Variants in GPM6A observed in about 807,000 individuals in gnomAD.
GPM6A encodes glycoprotein M6A, also known as neuronal membrane glycoprotein M6-a.
GPM6A carries 7 observed loss-of-function variants against 32.1 expected under a neutral mutation model. The ratio of observed to expected loss-of-function variants is 0.22; its 90% CI spans 0.12 to 0.41. GPM6A has a LOEUF of 0.41. GPM6A is among the 10% of genes least tolerant of loss of function. GPM6A has a pLI of 1.00. For synonymous variants in GPM6A, 130 were observed against 123.4 expected (o/e 1.05, Z -0.35); for missense variants, 235 against 347.2 (o/e 0.68, Z 2.57).
chr4:175,645,530 G>T (rs1741407636), intron 4 of GPM6A, among the ~76,000 whole-genome samples: 1 of 151,936 alleles, frequency 6.6e-6, no homozygotes, highest in Admixed American at 6.6e-5. Context: ...AGACCAGCCT[G>T]GCCAACATGG....
chr4:175,662,109 A>T (rs1378361540), intron 3 of GPM6A, among the ~76,000 whole-genome samples: 2 of 152,158 alleles, frequency 1.3e-5, no homozygotes, highest in Non-Finnish European at 2.9e-5. Flanking sequence ...GGCATATTTA[A>T]TATTATTATG....
rs186434136 is a variant in GPM6A at position 175,907,887 on chromosome 4, C to T, written c.-23+94422G>A. Among the ~76,000 whole-genome samples, 640 of 152,198 alleles carry T rather than the reference C, an allele frequency of 4.2e-3. 6 individuals are homozygous for T. Among genetic ancestry groups the T allele is most frequent in the African/African-American group, 0.015 (605 of 41,542 alleles). On this transcript the variant is annotated intron_variant, in intron 1 of 7. Transcript: ENST00000280187. Reference sequence around the variant, plus strand: ...ACATAAAAGGTGTATTAAATAAGTTCGTATGCTTTTTCCTCCTTATTCTGT... The same window carrying T: ...ACATAAAAGGTGTATTAAATAAGTTTGTATGCTTTTTCCTCCTTATTCTGT...
chr4:175,897,108 A>G (rs968773081), intron 1 of GPM6A, among the ~76,000 whole-genome samples: 15 of 152,178 alleles, frequency 9.9e-5, no homozygotes, highest in Admixed American at 7.2e-4. Flanking sequence ...AGAAGAGCCA[A>G]GAAGCCACAT....
intron 1 of GPM6A, among the ~76,000 whole-genome samples, chr4:175,819,936 T>G (rs1735222627): frequency 6.6e-6 from 1 of 152,164 alleles, no homozygotes; most frequent in Non-Finnish European, 1.5e-5. Flanking sequence ...CGATTGAAGT[T>G]AAAAATATTA....
intron 1 of GPM6A, among the ~76,000 whole-genome samples, chr4:175,878,300 C>T (rs1737151690): frequency 6.6e-6 from 1 of 152,302 alleles, no homozygotes; most frequent in South Asian, 2.1e-4. Context: ...CCAGTGGAGA[C>T]TCCATGTCGG....
chr4:175,713,538 C>T lies in GPM6A; in HGVS notation c.38-11771G>A, dbSNP rs553965601. On this transcript the variant is annotated intron_variant, in intron 1 of 6. Coordinates refer to ENST00000393658, the MANE Select transcript of GPM6A (RefSeq NM_201591.3). ...CTTTTAGAATATAGCTCAAATAATC[C>T]TTAAATATTGTTAAATTTTTATTAA... Among the ~76,000 whole-genome samples, 10 of 152,226 alleles carry T rather than the reference C, an allele frequency of 6.6e-5. No individual in the cohort carries two copies. The South Asian group carries it at 2.1e-3, about 32-fold the overall frequency.
chr4:175,680,351 G>A (rs972254011), intron 2 of GPM6A, among the ~76,000 whole-genome samples: 3 of 151,898 alleles, frequency 2.0e-5, no homozygotes, highest in African/African-American at 7.3e-5. Flanking sequence ...TTTATTCTTT[G>A]GTTTAATTCC....
At chr4:175,776,361 G>C (rs934174226) in intron 1 of GPM6A, among the ~76,000 whole-genome samples, 11 of 152,118 alleles carry the variant, frequency 7.2e-5, no homozygotes, top group African/African-American at 2.7e-4. Context: ...TTGCCACTTG[G>C]CTTCCAAACA....
intron 1 of GPM6A, among the ~76,000 whole-genome samples, chr4:175,868,962 G>C (rs990921948): frequency 6.6e-6 from 1 of 151,954 alleles, no homozygotes; most frequent in East Asian, 1.9e-4. Flanking sequence ...GACTTGAGTT[G>C]GTCTACACTA....
intron 1 of GPM6A, among the ~76,000 whole-genome samples, chr4:175,916,947 T>A (rs1448812684): frequency 6.6e-6 from 1 of 152,226 alleles, no homozygotes; most frequent in Non-Finnish European, 1.5e-5. Flanking sequence ...AACATCTTTT[T>A]ATACCCCCAA....
upstream of GPM6A, among the ~76,000 whole-genome samples, chr4:175,814,027 C>T (rs2111336736): frequency 6.6e-6 from 1 of 152,282 alleles, no homozygotes; most frequent in Middle Eastern, 3.4e-3. Flanking sequence ...ATTGTAGCAG[C>T]CTCTCTGCTT....
intron 1 of GPM6A, among the ~76,000 whole-genome samples, chr4:175,786,037 TC>T (rs1733785238): frequency 6.6e-6 from 1 of 152,122 alleles, no homozygotes; most frequent in Admixed American, 6.6e-5. Context: ...ACCTATAGTT[TC>T]CAAGCTGTGA....
chr4:175,823,296 T>G (rs1158191055), intron 1 of GPM6A, among the ~76,000 whole-genome samples: 1 of 152,246 alleles, frequency 6.6e-6, no homozygotes, highest in Non-Finnish European at 1.5e-5. Context: ...AGTGCTATAT[T>G]AACAACAATG....
At chr4:175,859,872 T>G (rs924033867) in intron 1 of GPM6A, among the ~76,000 whole-genome samples, 1 of 152,082 alleles carries the variant, frequency 6.6e-6, no homozygotes, top group East Asian at 1.9e-4. Context: ...AGGGCTCTAA[T>G]GTAAAAAGTA....
intron 1 of GPM6A, among the ~76,000 whole-genome samples, chr4:175,878,738 G>T (rs1737171226): frequency 6.6e-6 from 1 of 152,112 alleles, no homozygotes; most frequent in Non-Finnish European, 1.5e-5. Context: ...GTTAACATTT[G>T]TCTCCTCATT....
Position 175,760,906 on chromosome 4 carries a change from A to C in GPM6A, c.37+51285T>G, listed in dbSNP as rs115827655. On this transcript the variant is annotated intron_variant, in intron 1 of 6. Coordinates refer to ENST00000393658, the MANE Select transcript of GPM6A (RefSeq NM_201591.3). Reference sequence around the variant, plus strand: ...AAAACATCTTGATGACCACAGAATGACTGTGACATTAGAATAACAGCTAAC... The same window carrying C: ...AAAACATCTTGATGACCACAGAATGCCTGTGACATTAGAATAACAGCTAAC... Among the ~76,000 whole-genome samples the C allele has an allele frequency of 4.4e-3, 668 of 152,310 alleles. 5 individuals are homozygous for C. The highest frequency in any genetic ancestry group is 0.016 in the African/African-American group (652 of 41,566).
chr4:175,964,923 T>C (rs1681886015), intron 1 of GPM6A, among the ~76,000 whole-genome samples: 2 of 152,306 alleles, frequency 1.3e-5, no homozygotes, highest in South Asian at 2.1e-4. Context: ...ATTAGCAATA[T>C]ACCTGAGGCA....
intron 1 of GPM6A, among the ~76,000 whole-genome samples, chr4:175,776,096 G>C (rs904804853): frequency 1.3e-5 from 2 of 152,098 alleles, no homozygotes; most frequent in African/African-American, 4.8e-5. Context: ...CTTGAAACCA[G>C]ATTTTTTTAA....
At chr4:175,665,193 A>G (rs562173105) in intron 3 of GPM6A, among the ~76,000 whole-genome samples, 12 of 152,244 alleles carry the variant, frequency 7.9e-5, no homozygotes, top group East Asian at 7.7e-4. Flanking sequence ...ACTAGTCAAC[A>G]CTTCTTTATC....
Sources: allele counts gnomAD v4.1 joint callset (sites outside exome capture counted in the v4.1 genomes callset), GRCh38; gene constraint gnomAD v4.1.1; transcripts MANE v1.5; gene names NCBI Gene and HGNC (gene_info 2026-07-23, HGNC 2026-07-21).